The following RALGDS variants were observed in gnomAD, a reference collection of about 807,000 sequenced individuals.
RALGDS encodes the protein ral guanine nucleotide dissociation stimulator.
Under a neutral mutation model 99.8 loss-of-function variants are expected in RALGDS, and 44 were observed. That is an observed-to-expected ratio of 0.44 (90% confidence interval 0.35 to 0.57). The LOEUF (loss-of-function observed/expected upper bound fraction) is 0.57. Ranked by LOEUF, RALGDS falls within the 20% of genes least tolerant of loss-of-function variation. RALGDS has a pLI of 0.01. For synonymous variants in RALGDS, 529 were observed against 505.0 expected (o/e 1.05, Z -0.64); for missense variants, 1,022 against 1,203.1 (o/e 0.85, Z 2.23).
At position 133,101,661 on chromosome 9, in the gene RALGDS, G is replaced by T. The variant is rs1350790491; in HGVS notation, c.2313C>A (p.Ala771=). The T allele has an allele frequency of 1.2e-6, 2 of 1,613,716 alleles. No homozygotes were observed. Among genetic ancestry groups the T allele is most frequent in the African/African-American group, 2.7e-5 (2 of 74,956 alleles). ...SSSASTTPVA[A]TRTHKRSVSG... is the part of the protein sequence containing the mutation. Reference sequence around the variant, plus strand: ...AGACAGAGCGCTTGTGGGTGCGTGTGGCAGCCACGGGCGTGGTGGAGGCTG... The same window carrying T: ...AGACAGAGCGCTTGTGGGTGCGTGTTGCAGCCACGGGCGTGGTGGAGGCTG... The change falls in exon 16 of 18, where the codon GCC becomes GCA. Residue 771 remains alanine (A), a synonymous_variant. Coordinates refer to ENST00000372050, the MANE Select transcript of RALGDS (RefSeq NM_006266.4).
At chr9:133,101,494 C>G (rs1830753998) in intron 16 of RALGDS, 26 bp downstream of exon 16, 8 of 1,609,998 alleles carry the variant, frequency 5.0e-6, no homozygotes, top group Non-Finnish European at 6.8e-6. Context: ...TGGAGGGAGG[C>G]ACCCAGGCCA....
At chr9:133,126,644 C>T (rs1196581100) in intron 1 of RALGDS, among the ~76,000 whole-genome samples, 2 of 152,172 alleles carry the variant, frequency 1.3e-5, no homozygotes, top group Non-Finnish European at 2.9e-5. Context: ...GTCACTGCCA[C>T]CCCGGAGGGG....
Position 133,110,304 on chromosome 9 carries a change from C to G in RALGDS, c.480G>C (p.Leu160=). 1.2e-6 allele frequency: 2 copies of G among 1,613,594 alleles called. No individual in the cohort carries two copies. The highest frequency in any genetic ancestry group is 1.7e-6 in the Non-Finnish European group (2 of 1,179,774). ...GGAGGGCTCATGCTCACCTTTTGAA[C>G]AGCAGGTCCAGGACCTGTTGGGTGG... ...FTTTQQVLDL[L]FKRYGRCDAL... is the part of the protein sequence containing the mutation. Residue 160 remains leucine (L), a synonymous_variant, in exon 3 of 18, where the codon CTG becomes CTC. Transcript: ENST00000372050.
chr9:133,101,441 G>C (rs769629043), intron 16 of RALGDS, 79 bp downstream of exon 16: 5 of 1,602,134 alleles, frequency 3.1e-6, no homozygotes, highest in Non-Finnish European at 3.4e-6. Context: ...GACCCCGGGA[G>C]GGCAGGGATG....
rs922879354 is a variant in RALGDS at position 133,109,811 on chromosome 9, C to CAAATT, written c.489-95_489-91dup. On this transcript the variant is annotated intron_variant, in intron 3 of 17. Coordinates refer to ENST00000372050, the MANE Select transcript of RALGDS (RefSeq NM_006266.4). The stretch of plus-strand genomic sequence containing the variant: ...GATTTTTTTTTTTGCTTTTTTTCAT[C>CAAATT]AAATTATATTAAATGCCTAGAAAAG... 9.1e-6 allele frequency: 9 copies of CAAATT among 985,720 alleles called. No homozygotes were observed. In the African/African-American group the frequency reaches 1.5e-4, roughly 16 times the overall value. 61.1% of individuals were successfully genotyped at this position (985,720 alleles called of 1,614,324 possible). A position where few individuals can be genotyped will look rare whatever the true frequency, so the allele number is the denominator to read the frequency against.
At chr9:133,149,079 T>G in exon 1 of RALGDS, 1 of 914,776 alleles carries the variant, frequency 1.1e-6, no homozygotes, top group Non-Finnish European at 1.4e-6. Flanking sequence ...TGCGCCCGGC[T>G]GCGGGGCTCA....
At chr9:133,131,123 A>G (rs1376651528), upstream of RALGDS, 1 of 1,445,194 alleles carries the variant, frequency 6.9e-7, no homozygotes, top group Non-Finnish European at 9.0e-7. Flanking sequence ...ACACTGCCCC[A>G]GCAGCACCTC....
chr9:133,127,095 C>T (rs1413326802), intron 1 of RALGDS, among the ~76,000 whole-genome samples: 1 of 152,244 alleles, frequency 6.6e-6, no homozygotes, highest in African/African-American at 2.4e-5. Flanking sequence ...CTGGTGCGTC[C>T]CTCCTTCCAC....
At chr9:133,123,983 CACAG>C (rs1473589923), upstream of RALGDS, among the ~76,000 whole-genome samples, 1 of 147,668 alleles carries the variant, frequency 6.8e-6, no homozygotes, top group African/African-American at 2.5e-5. Flanking sequence ...GAGACAGAGA[CACAG>C]ACACACACAC....
At chr9:133,112,205 G>A in intron 1 of RALGDS, 53 bp from the exon 2 acceptor site, 1 of 1,268,898 alleles carries the variant, frequency 7.9e-7, no homozygotes, top group Non-Finnish European at 1.1e-6. Flanking sequence ...GGCCTGCCTG[G>A]CCACCGTGCA....
upstream of RALGDS, among the ~76,000 whole-genome samples, chr9:133,132,171 G>A (rs568159928): frequency 2.6e-5 from 4 of 152,374 alleles, no homozygotes; most frequent in Admixed American, 1.3e-4. Flanking sequence ...GTTTGCTGAT[G>A]TAGAAGCACA....
chr9:133,120,436 C>G (rs1209564727), intron 1 of RALGDS, among the ~76,000 whole-genome samples: 3 of 142,064 alleles, frequency 2.1e-5, no homozygotes, highest in East Asian at 2.2e-4. Context: ...CGACCCCCCC[C>G]CCACCCCGCT....
At chr9:133,127,136 T>C (rs1588561453) in intron 1 of RALGDS, among the ~76,000 whole-genome samples, 1 of 152,226 alleles carries the variant, frequency 6.6e-6, no homozygotes, top group East Asian at 1.9e-4. Context: ...CCTTGGCCGG[T>C]ACCTGAGAGG....
At chr9:133,142,390 GCCATCGGAAAGC>G (rs1271184704) in intron 1 of RALGDS, among the ~76,000 whole-genome samples, 3 of 152,080 alleles carry the variant, frequency 2.0e-5, no homozygotes, top group Admixed American at 6.6e-5. Flanking sequence ...TTGGAAGTGA[GCCATCGGAAAGC>G]CCATCGGAAA....
At chr9:133,143,386 T>A (rs1832556091) in intron 1 of RALGDS, among the ~76,000 whole-genome samples, 1 of 152,148 alleles carries the variant, frequency 6.6e-6, no homozygotes, top group Non-Finnish European at 1.5e-5. Context: ...ACCAGCAGCC[T>A]CAGGGGCGGG....
At chr9:133,129,109 G>A (rs1481228912) in intron 1 of RALGDS, 2 of 1,562,450 alleles carry the variant, frequency 1.3e-6, no homozygotes, top group Non-Finnish European at 1.7e-6. Context: ...CCCCTCCCCG[G>A]CAGAGGCACT....
chr9:133,112,090 G>A lies in RALGDS; in HGVS notation c.246C>T (p.Arg82=), dbSNP rs772693063. The part of the protein sequence containing the change: ...INGVIYSISL[R]KVQLHHGGNK... ...TGCCTCCGTGGTGCAGCTGCACCTTGCGCAGGGAGATGGAGTAGATGACTC... is the reference window on the plus strand; with the variant it reads ...TGCCTCCGTGGTGCAGCTGCACCTTACGCAGGGAGATGGAGTAGATGACTC... The change falls in exon 2 of 18, where the codon CGC becomes CGT. Residue 82 remains arginine (R), a synonymous_variant. Coordinates refer to ENST00000372050, the MANE Select transcript of RALGDS (RefSeq NM_006266.4). The A allele has an allele frequency of 8.2e-6, 13 of 1,586,698 alleles. No individual in the cohort carries two copies. Among genetic ancestry groups the A allele is most frequent in the Non-Finnish European group, 1.1e-5 (13 of 1,165,626 alleles).
chr9:133,098,487 A>C lies in RALGDS; in HGVS notation c.*100T>G. 1 of 1,249,550 alleles carries C rather than the reference A, an allele frequency of 8.0e-7. No homozygotes were observed. The highest frequency in any genetic ancestry group is 1.2e-6 in the Non-Finnish European group (1 of 869,162). 77.4% of individuals were successfully genotyped at this position (1,249,550 alleles called of 1,614,324 possible). Reference sequence around the variant, plus strand: ...TCAGGATGAAACTGGAGTCTGGGGTACCCTGGGCTGGCAGGTGGGAGGAAG... The same window carrying C: ...TCAGGATGAAACTGGAGTCTGGGGTCCCCTGGGCTGGCAGGTGGGAGGAAG... On this transcript the variant is annotated 3_prime_UTR_variant, in exon 18 of 18. Transcript: ENST00000372050.
intron 5 of RALGDS, 98 bp from the exon 6 acceptor site, chr9:133,108,504 A>C: frequency 2.8e-6 from 4 of 1,433,480 alleles, no homozygotes; most frequent in Middle Eastern, 2.2e-4. Flanking sequence ...CTCTCCCCGA[A>C]CCCACAAAAC....
Sources: gnomAD v4.1 joint callset for allele counts (sites outside exome capture counted in the v4.1 genomes callset) on GRCh38, gnomAD v4.1.1 for gene constraint, MANE v1.5 for transcripts, NCBI Gene and HGNC (gene_info 2026-07-23, HGNC 2026-07-21) for gene names.